The following LZTS1 variants were observed in gnomAD, a reference collection of about 807,000 sequenced individuals.
LZTS1 encodes leucine zipper putative tumor suppressor 1.
LZTS1 carries 31 observed loss-of-function variants against 45.8 expected under a neutral mutation model. The observed-to-expected ratio is 0.68, with a 90% CI of 0.51 to 0.91. The LOEUF (loss-of-function observed/expected upper bound fraction) is 0.91, where lower values mean the gene tolerates loss of function less well. Among genes scored for constraint, LZTS1 ranks in the 40% least tolerant of loss-of-function variants. LZTS1 has a pLI of 0.00. For missense variants in LZTS1, 821 were observed against 788.9 expected (o/e 1.04, Z -0.49); for synonymous variants, 359 against 357.3 (o/e 1.00, Z -0.05).
rs532821895 is a variant in LZTS1 at position 20,261,818 on chromosome 8, C to T, written c.-134-6503G>A. Among the ~76,000 whole-genome samples the T allele has an allele frequency of 1.3e-3, 195 of 152,374 alleles. 1 individual carries two copies. Among genetic ancestry groups the T allele is most frequent in the South Asian group, 0.012 (60 of 4,834 alleles). On this transcript the variant is annotated intron_variant, in intron 1 of 3. Coordinates refer to ENST00000381569, the MANE Select transcript of LZTS1 (RefSeq NM_021020.5). ...AAGTGGAGGATTCACACACGCCCTC[C>T]TCCTCCTCTGCCGCCATGCAGTGAG...
intron 1 of LZTS1, among the ~76,000 whole-genome samples, chr8:20,278,433 C>T (rs866955855): frequency 3.9e-5 from 6 of 152,152 alleles, no homozygotes; most frequent in East Asian, 3.9e-4. Flanking sequence ...GAGGAAATAA[C>T]GCAACAGGAA....
chr8:20,267,122 A>T (rs1031160990), intron 1 of LZTS1, among the ~76,000 whole-genome samples: 14 of 147,988 alleles, frequency 9.5e-5, no homozygotes, highest in Non-Finnish European at 1.8e-4. Context: ...AAAAAAAAAA[A>T]GAAAAGAAAA....
intron 1 of LZTS1, among the ~76,000 whole-genome samples, chr8:20,273,720 G>C (rs182556977): frequency 6.6e-6 from 1 of 152,086 alleles, no homozygotes; most frequent in East Asian, 1.9e-4. Context: ...CATAGCCACT[G>C]TCTTAGTCTA....
chr8:20,268,063 T>C (rs1800396212), intron 1 of LZTS1, among the ~76,000 whole-genome samples: 1 of 152,118 alleles, frequency 6.6e-6, no homozygotes, highest in South Asian at 2.1e-4. Flanking sequence ...GAAACCAAAG[T>C]GCATGTGAAA....
At chr8:20,266,764 CT>C (rs1324108212) in intron 1 of LZTS1, among the ~76,000 whole-genome samples, 3 of 152,196 alleles carry the variant, frequency 2.0e-5, no homozygotes, top group Admixed American at 2.0e-4. Flanking sequence ...GTCTCTGCCC[CT>C]AGCATGTGAG....
chr8:20,273,079 C>G (rs962872711), intron 1 of LZTS1, among the ~76,000 whole-genome samples: 1 of 152,184 alleles, frequency 6.6e-6, no homozygotes, highest in Non-Finnish European at 1.5e-5. Context: ...CACCAATCCA[C>G]TAGAACTGCC....
chr8:20,274,911 C>A (rs1451908133), intron 1 of LZTS1, among the ~76,000 whole-genome samples: 2 of 150,660 alleles, frequency 1.3e-5, no homozygotes, highest in Non-Finnish European at 2.9e-5. Context: ...ACTGAGTGGG[C>A]TCCTTGGAGC....
At chr8:20,295,376 A>T (rs1303483565) in intron 1 of LZTS1, among the ~76,000 whole-genome samples, 1 of 152,118 alleles carries the variant, frequency 6.6e-6, no homozygotes. Flanking sequence ...GAGATTGCAG[A>T]CCAAGCCCTG....
At chr8:20,287,643 G>A (rs770336975) in intron 1 of LZTS1, among the ~76,000 whole-genome samples, 5 of 152,026 alleles carry the variant, frequency 3.3e-5, no homozygotes, top group African/African-American at 7.2e-5. Context: ...GCTGCTGCCC[G>A]GGACCAGGCA....
At chr8:20,296,987 T>G (rs901157447) in intron 1 of LZTS1, among the ~76,000 whole-genome samples, 3 of 152,190 alleles carry the variant, frequency 2.0e-5, no homozygotes, top group African/African-American at 7.2e-5. Context: ...ATTCCCTCTC[T>G]GCTTGTCTTC....
At chr8:20,279,882 G>A (rs1354485902) in intron 1 of LZTS1, among the ~76,000 whole-genome samples, 1 of 151,024 alleles carries the variant, frequency 6.6e-6, no homozygotes, top group Non-Finnish European at 1.5e-5. Context: ...AGCTACTCAG[G>A]AGGCTGAGGT....
At chr8:20,253,663 C>G (rs1446640923) in intron 2 of LZTS1, 78 bp from the exon 3 acceptor site, 33 of 1,180,694 alleles carry the variant, frequency 2.8e-5, no homozygotes, top group Non-Finnish European at 3.2e-5. Flanking sequence ...GCACGCGTGC[C>G]GACCTTGAGC....
intron 3 of LZTS1, 101 bp downstream of exon 3, chr8:20,252,681 G>A (rs1461767369): frequency 2.4e-5 from 25 of 1,053,154 alleles, no homozygotes; most frequent in Non-Finnish European, 2.9e-5. Flanking sequence ...GCTTGCCTGC[G>A]CGGTCTGTGT....
intron 1 of LZTS1, among the ~76,000 whole-genome samples, chr8:20,279,200 T>C (rs1055272167): frequency 3.3e-5 from 5 of 152,234 alleles, no homozygotes; most frequent in Admixed American, 6.5e-5. Flanking sequence ...AATGGCAGAC[T>C]GAAACTCTTA....
chr8:20,264,745 T>C (rs1008012361), intron 1 of LZTS1, among the ~76,000 whole-genome samples: 2 of 152,158 alleles, frequency 1.3e-5, no homozygotes, highest in African/African-American at 4.8e-5. Context: ...CTGCCCCAAA[T>C]GCTTCACTAC....
rs368337680 is a variant in LZTS1 at position 20,252,968 on chromosome 8, C to T, written c.963G>A (p.Ser321=). ...PKGGNKLKQA[S]QKSQRAQQVL... ...CCTGCTGCGCGCGCTGGCTCTTCTG[C>T]GAGGCCTGCTTGAGCTTGTTGCCGC... The change falls in exon 3 of 4, where the codon TCG becomes TCA. Residue 321 remains serine (S), a synonymous_variant. Transcript: ENST00000381569. The T allele has an allele frequency of 2.0e-5, 32 of 1,588,014 alleles. No individual in the cohort carries two copies. Among genetic ancestry groups the T allele is most frequent in the East Asian group, 6.7e-5 (3 of 44,466 alleles).
chr8:20,301,788 A>G (rs2128900399), intron 1 of LZTS1, among the ~76,000 whole-genome samples: 1 of 152,108 alleles, frequency 6.6e-6, no homozygotes, highest in East Asian at 1.9e-4. Context: ...CCCCTGCCCC[A>G]CATCGACCCA....
At chr8:20,254,777 C>T in intron 2 of LZTS1, 60 bp downstream of exon 2, 1 of 1,391,538 alleles carries the variant, frequency 7.2e-7, no homozygotes, top group Non-Finnish European at 9.7e-7. Context: ...GCTCTCCACC[C>T]CCATTTTGCT....
intron 1 of LZTS1, among the ~76,000 whole-genome samples, chr8:20,282,058 C>G (rs1287428934): frequency 6.6e-6 from 1 of 152,132 alleles, no homozygotes; most frequent in African/African-American, 2.4e-5. Context: ...GTACTGCAAT[C>G]CCACCACCAA....
Sources: gnomAD v4.1 joint callset for allele counts (sites outside exome capture counted in the v4.1 genomes callset) on GRCh38, gnomAD v4.1.1 for gene constraint, MANE v1.5 for transcripts, NCBI Gene and HGNC (gene_info 2026-07-23, HGNC 2026-07-21) for gene names.